Variants in MAMDC2 observed in about 807,000 individuals in gnomAD.
MAMDC2 encodes MAM domain-containing protein 2.
A neutral mutation model predicts 89.8 loss-of-function variants in MAMDC2; 57 were observed. The ratio of observed to expected loss-of-function variants is 0.63; its 90% confidence interval spans 0.51 to 0.79. The LOEUF (loss-of-function observed/expected upper bound fraction) is 0.79, where lower values mean the gene tolerates loss of function less well. Ranked by LOEUF, MAMDC2 falls within the 30% of genes least tolerant of loss-of-function variation. MAMDC2 has a pLI of 0.00. For missense variants in MAMDC2, 800 were observed against 820.6 expected, an observed-to-expected ratio of 0.97 and a Z score of 0.31; for synonymous variants, 313 against 293.4, an observed-to-expected ratio of 1.07 and a Z score of -0.68.
chr9:70,154,685 T>C (rs1294184152), intron 9 of MAMDC2, among the ~76,000 whole-genome samples: 1 of 151,930 alleles, frequency 6.6e-6, no homozygotes, highest in African/African-American at 2.4e-5. Context: ...AATTTATTTT[T>C]CATTTTTTGC....
intron 9 of MAMDC2, among the ~76,000 whole-genome samples, chr9:70,147,377 G>A (rs1203488174): frequency 6.7e-6 from 1 of 150,104 alleles, no homozygotes; most frequent in Non-Finnish European, 1.5e-5. Flanking sequence ...TTCCACCTCT[G>A]TTTCTTGATT....
chr9:70,069,639 A>G (rs1170390954), intron 2 of MAMDC2, among the ~76,000 whole-genome samples: 1 of 152,240 alleles, frequency 6.6e-6, no homozygotes, highest in African/African-American at 2.4e-5. Context: ...TTGTTTCAAA[A>G]TAGAAAAGGG....
intron 2 of MAMDC2, chr9:70,062,912 G>C (rs757248335): frequency 7.2e-5 from 11 of 152,178 alleles, no homozygotes; most frequent in Non-Finnish European, 1.6e-4. Context: ...CCAGGTGATG[G>C]GAACTCAACA....
At chr9:70,204,511 T>C (rs1400685681) in intron 11 of MAMDC2, among the ~76,000 whole-genome samples, 1 of 149,094 alleles carries the variant, frequency 6.7e-6, no homozygotes, top group Non-Finnish European at 1.5e-5. Context: ...GTCTTTTTGT[T>C]TGTCTGTGCC....
At chr9:70,171,627 CT>C (rs1339018285) in intron 11 of MAMDC2, among the ~76,000 whole-genome samples, 4 of 152,130 alleles carry the variant, frequency 2.6e-5, no homozygotes, top group Non-Finnish European at 5.9e-5. Context: ...AGAACTACCC[CT>C]GATACTAAGC....
At chr9:70,064,170 T>A (rs186669076) in intron 2 of MAMDC2, among the ~76,000 whole-genome samples, 145 of 152,198 alleles carry the variant, frequency 9.5e-4, no homozygotes, top group South Asian at 7.9e-3. Flanking sequence ...TGAATTTTTT[T>A]AAAATTTTTT....
At chr9:70,173,078 T>TTC (rs2032398998) in intron 11 of MAMDC2, among the ~76,000 whole-genome samples, 1 of 152,084 alleles carries the variant, frequency 6.6e-6, no homozygotes, top group African/African-American at 2.4e-5. Flanking sequence ...AGGAGCCAGT[T>TTC]TCTCTCTCTC....
chr9:70,199,923 T>G (rs1382257227), intron 11 of MAMDC2, among the ~76,000 whole-genome samples: 1 of 152,182 alleles, frequency 6.6e-6, no homozygotes, highest in East Asian at 1.9e-4. Context: ...GTAAATTTGT[T>G]TGAGTTCATT....
chr9:70,099,978 GAA>G (rs1491126777), intron 2 of MAMDC2, among the ~76,000 whole-genome samples: 2 of 103,634 alleles, frequency 1.9e-5, no homozygotes, highest in Admixed American at 1.0e-4. Flanking sequence ...CTGCCAAAAA[GAA>G]AGAGAGAGAG....
At chr9:70,135,862 A>G (rs114169046) in intron 7 of MAMDC2, among the ~76,000 whole-genome samples, 90 of 152,188 alleles carry the variant, frequency 5.9e-4, no homozygotes, top group African/African-American at 2.1e-3. Context: ...AACCCCCTCT[A>G]TATCCAGGCC....
chr9:70,195,426 G>C (rs1195130567), intron 11 of MAMDC2, among the ~76,000 whole-genome samples: 1 of 152,070 alleles, frequency 6.6e-6, no homozygotes, highest in East Asian at 1.9e-4. Context: ...AAAGTTTTCT[G>C]ACATAGATGC....
At chr9:70,114,063 T>A (rs2118283952) in intron 5 of MAMDC2, among the ~76,000 whole-genome samples, 1 of 151,992 alleles carries the variant, frequency 6.6e-6, no homozygotes, top group East Asian at 1.9e-4. Flanking sequence ...CTTCTCTTCA[T>A]CTGAATATAT....
At chr9:70,099,833 G>T (rs1828118859) in intron 2 of MAMDC2, among the ~76,000 whole-genome samples, 1 of 152,020 alleles carries the variant, frequency 6.6e-6, no homozygotes, top group Admixed American at 6.6e-5. Flanking sequence ...AAATTAGCTG[G>T]GCGTGGTGCC....
At chr9:70,066,944 T>G (rs1827280474) in intron 2 of MAMDC2, among the ~76,000 whole-genome samples, 1 of 152,208 alleles carries the variant, frequency 6.6e-6, no homozygotes, top group Non-Finnish European at 1.5e-5. Flanking sequence ...TCCTCCTTGT[T>G]GCAGGTGGGT....
At chr9:70,122,979 G>T (rs2030353773) in intron 5 of MAMDC2, among the ~76,000 whole-genome samples, 2 of 152,086 alleles carry the variant, frequency 1.3e-5, no homozygotes, top group African/African-American at 4.8e-5. Flanking sequence ...TGTGGTCTTG[G>T]TACAAACTCT....
At chr9:70,095,435 G>A (rs1459848295) in intron 2 of MAMDC2, among the ~76,000 whole-genome samples, 1 of 152,178 alleles carries the variant, frequency 6.6e-6, no homozygotes, top group Non-Finnish European at 1.5e-5. Flanking sequence ...AGGAATGGTT[G>A]ACTTTGAGAG....
chr9:70,044,309 C>T lies in MAMDC2; in HGVS notation c.34+78C>T, dbSNP rs562091966. The T allele has an allele frequency of 5.3e-6, 8 of 1,500,672 alleles. No homozygotes were observed. In the Admixed American group the frequency reaches 6.9e-5, roughly 13 times the overall value. The allele number at this position is 1,500,672 out of a possible 1,614,324, so 93.0% of individuals were successfully genotyped here. A position where few individuals can be genotyped will look rare whatever the true frequency, so the allele number is the denominator to read the frequency against. On this transcript the variant is annotated intron_variant, in intron 1 of 13. Coordinates refer to ENST00000377182, the MANE Select transcript of MAMDC2 (RefSeq NM_153267.5). ...GCTCCTGCTGCCCCCGGGGGTCCGG[C>T]TCACCGTGCTGGGCTGGGCCATCCG...
chr9:70,197,044 TA>T (rs1295857384), intron 11 of MAMDC2, among the ~76,000 whole-genome samples: 1 of 135,432 alleles, frequency 7.4e-6, no homozygotes, highest in Non-Finnish European at 1.6e-5. Context: ...CTGTCTGCTA[TA>T]AAAAATGAAA....
rs1827682972 is a variant in MAMDC2, at chr9:70,082,794, A to G, written c.149-25417A>G. On this transcript the variant is annotated intron_variant, in intron 2 of 13. Coordinates refer to ENST00000377182, the MANE Select transcript of MAMDC2 (RefSeq NM_153267.5). ...GATGAGAGAAAAGTGTCAATCATGG[A>G]AGTTACTTGCCTTTGAAGAGAGGCA... 2 of 152,210 alleles carry G rather than the reference A, an allele frequency of 1.3e-5. 1 individual carries two copies. Among genetic ancestry groups the G allele is most frequent in the African/African-American group, 4.8e-5 (2 of 41,538 alleles). 9.4% of individuals were successfully genotyped at this position (152,210 alleles called of 1,614,324 possible). A position where few individuals can be genotyped will look rare whatever the true frequency, so the allele number is the denominator to read the frequency against.
Sources: gnomAD v4.1 joint callset for allele counts (sites outside exome capture counted in the v4.1 genomes callset) on GRCh38, gnomAD v4.1.1 for gene constraint, MANE v1.5 for transcripts, NCBI Gene and HGNC (gene_info 2026-07-23, HGNC 2026-07-21) for gene names.